Variants in TRAFD1 observed in about 807,000 individuals in gnomAD.
TRAFD1 encodes the protein TRAF-type zinc finger domain-containing protein 1.
A neutral mutation model predicts 65.3 loss-of-function variants in TRAFD1; 38 were observed. The ratio of observed to expected loss-of-function variants is 0.58; its 90% CI spans 0.45 to 0.76. The LOEUF (loss-of-function observed/expected upper bound fraction) is 0.76, where lower values mean the gene tolerates loss of function less well. Among genes scored for constraint, TRAFD1 ranks in the 30% least tolerant of loss-of-function variants. The pLI is 0.00. For synonymous variants in TRAFD1, 223 were observed against 257.2 expected, an observed-to-expected ratio of 0.87 and a Z score of 1.27; for missense variants, 631 against 712.6, an observed-to-expected ratio of 0.89 and a Z score of 1.30.
chr12:112,129,029 TAAAAAAA>T (rs543476356), intron 1 of TRAFD1, among the ~76,000 whole-genome samples: 2 of 91,540 alleles, frequency 2.2e-5, no homozygotes, highest in Non-Finnish European at 4.5e-5. Context: ...AGACTCTGTT[TAAAAAAA>T]AAAAAAAAAA....
At chr12:112,134,940 G>C (rs1459907527) in intron 3 of TRAFD1, 67 bp downstream of exon 3, 1 of 1,612,764 alleles carries the variant, frequency 6.2e-7, no homozygotes, top group Non-Finnish European at 8.5e-7. Context: ...AATGTATTCT[G>C]TTTGCTATTG....
rs2030435641 is a variant in TRAFD1, at chr12:112,152,394, T to A, written c.1620-33T>A. On this transcript the variant is annotated intron_variant, in intron 10 of 11. Coordinates refer to ENST00000412615, the MANE Select transcript of TRAFD1 (RefSeq NM_006700.3). The surrounding 1 kb of genome is among the most constrained non-coding windows in gnomAD (Gnocchi z 5.0). ...TTTGTTGACCTTTGCTCAGGGACAC[T>A]TCAGGAGCTAGTTTCTAATTGTTTT... 6.2e-7 allele frequency: 1 copy of A among 1,608,914 alleles called. No individual in the cohort carries two copies. Among genetic ancestry groups the A allele is most frequent in the Non-Finnish European group, 8.5e-7 (1 of 1,179,816 alleles).
chr12:112,149,717 T>C (rs762120868), intron 8 of TRAFD1, 34 bp from the exon 9 acceptor site: 1 of 1,613,024 alleles, frequency 6.2e-7, no homozygotes, highest in South Asian at 1.1e-5. Flanking sequence ...AATGACTCAA[T>C]TCAGAGGTAC....
chr12:112,146,024 T>G (rs540564509), intron 7 of TRAFD1, among the ~76,000 whole-genome samples: 28 of 97,838 alleles, frequency 2.9e-4, no homozygotes, highest in African/African-American at 4.0e-4. Flanking sequence ...TGTTGTGGGG[T>G]TGGGGGAGGG....
At chr12:112,140,250 C>T (rs1478482007) in intron 4 of TRAFD1, 6 of 187,034 alleles carry the variant, frequency 3.2e-5, no homozygotes, top group Non-Finnish European at 6.9e-5. Flanking sequence ...GAAACCCCGT[C>T]TCTACTAAAA....
chr12:112,131,676 G>C (rs763265032), intron 2 of TRAFD1, among the ~76,000 whole-genome samples: 32 of 152,254 alleles, frequency 2.1e-4, no homozygotes, highest in Non-Finnish European at 3.4e-4. Flanking sequence ...ATACGGAATT[G>C]TGTGCTCATT....
chr12:112,137,732 A>C lies in TRAFD1; in HGVS notation c.237+2666A>C, dbSNP rs1280220105. Among the ~76,000 whole-genome samples the C allele has an allele frequency of 6.6e-6, 1 of 152,184 alleles. No homozygotes were observed. Among genetic ancestry groups the C allele is most frequent in the African/African-American group, 2.4e-5 (1 of 41,452 alleles). On this transcript the variant is annotated intron_variant, in intron 4 of 11. Coordinates refer to ENST00000412615, the MANE Select transcript of TRAFD1 (RefSeq NM_006700.3). This position sits in a 1 kb window ranked among gnomAD's most constrained non-coding sequence, Gnocchi z 4.2. ...AGCCGAGGTTGCGCTACTGCACTTC[A>C]GTCAGGGCGACAGAGCGAGACTCCG...
chr12:112,134,825 A>G lies in TRAFD1; in HGVS notation c.135A>G (p.Pro45=). The G allele has an allele frequency of 6.2e-7, 1 of 1,613,700 alleles. No individual in the cohort carries two copies. The highest frequency in any genetic ancestry group is 1.7e-5 in the Admixed American group (1 of 60,028). Residue 45 remains proline (P), a synonymous_variant, in exon 3 of 12, where the codon CCA becomes CCG. Transcript: ENST00000412615. ...NIGMCPTCKE[P]FPKSDMETHM... is the part of the protein sequence containing the mutation. ...GTATGTGTCCTACCTGTAAGGAACC[A>G]TTTCCCAAATCTGACATGGAGACTC...
intron 8 of TRAFD1, 41 bp from the exon 9 acceptor site, chr12:112,149,710 G>A: frequency 6.2e-7 from 1 of 1,611,772 alleles, no homozygotes; most frequent in Non-Finnish European, 8.5e-7. Context: ...TTCTGGGAAT[G>A]ACTCAATTCA....
chr12:112,129,508 T>G (rs1455774517), intron 1 of TRAFD1, among the ~76,000 whole-genome samples: 1 of 152,154 alleles, frequency 6.6e-6, no homozygotes, highest in Non-Finnish European at 1.5e-5. Flanking sequence ...GACTTGTTGG[T>G]GAAATTTGAA....
At chr12:112,143,239 C>T (rs1010294310) in intron 6 of TRAFD1, among the ~76,000 whole-genome samples, 1 of 152,168 alleles carries the variant, frequency 6.6e-6, no homozygotes, top group Non-Finnish European at 1.5e-5. Flanking sequence ...ACCACTACAC[C>T]CGGCCAATTT....
intron 7 of TRAFD1, among the ~76,000 whole-genome samples, chr12:112,147,616 G>A (rs2030285775): frequency 1.3e-5 from 2 of 151,430 alleles, no homozygotes; most frequent in Admixed American, 1.3e-4. Flanking sequence ...TAAAATGAGT[G>A]TTCTATGTGT....
intron 4 of TRAFD1, among the ~76,000 whole-genome samples, chr12:112,135,977 GT>G (rs1197713292): frequency 6.6e-6 from 1 of 151,258 alleles, no homozygotes; most frequent in East Asian, 2.0e-4. Context: ...CCCTGTCTCT[GT>G]TAAAAATACA....
At chr12:112,139,064 A>C (rs1267388724) in intron 4 of TRAFD1, among the ~76,000 whole-genome samples, 1 of 150,604 alleles carries the variant, frequency 6.6e-6, no homozygotes. Context: ...CCAGCTGTGC[A>C]CAGTGGCTCA....
chr12:112,145,683 G>A, intron 7 of TRAFD1, 21 bp downstream of exon 7: 1 of 1,611,880 alleles, frequency 6.2e-7, no homozygotes, highest in Non-Finnish European at 8.5e-7. Flanking sequence ...AATTACTTGA[G>A]GACTTTTAGT....
chr12:112,145,719 T>C, intron 7 of TRAFD1, 57 bp downstream of exon 7: 1 of 1,510,828 alleles, frequency 6.6e-7, no homozygotes, highest in Non-Finnish European at 9.2e-7. Flanking sequence ...CCATAATTGG[T>C]GTTGCAGGCC....
At chr12:112,136,494 G>A (rs866323199) in intron 4 of TRAFD1, among the ~76,000 whole-genome samples, 2 of 151,918 alleles carry the variant, frequency 1.3e-5, no homozygotes, top group Admixed American at 1.3e-4. Flanking sequence ...TGTTGGCCAG[G>A]GTGATCTTGA....
intron 2 of TRAFD1, among the ~76,000 whole-genome samples, chr12:112,132,377 A>T (rs1355052224): frequency 1.3e-5 from 2 of 152,214 alleles, no homozygotes; most frequent in Admixed American, 6.5e-5. Flanking sequence ...GGTCCTAGAA[A>T]TGAATTTTCA....
chr12:112,140,419 C>CAAA (rs548396276), intron 4 of TRAFD1, among the ~76,000 whole-genome samples: 1 of 69,190 alleles, frequency 1.4e-5, no homozygotes, highest in African/African-American at 4.7e-5. Context: ...GACACTGTCT[C>CAAA]AAAAAAAAAA....
Sources: allele counts gnomAD v4.1 joint callset (sites outside exome capture counted in the v4.1 genomes callset), GRCh38; gene constraint gnomAD v4.1.1; non-coding constraint Gnocchi (gnomAD v3.1); transcripts MANE v1.5; gene names NCBI Gene and HGNC (gene_info 2026-07-23, HGNC 2026-07-21).